Variants in SPATA31C1 observed in about 807,000 individuals in gnomAD.
SPATA31C1 encodes the protein spermatogenesis-associated protein 31C1.
At chr9:87,922,107 C>T (rs1587592416) in exon 5 of SPATA31C1, 1 of 1,613,926 alleles carries the variant, frequency 6.2e-7, no homozygotes, top group East Asian at 2.2e-5. Context: ...TGTTCACATG[C>T]CAGAGAGGCT....
chr9:87,922,027 T>C lies in SPATA31C1; in HGVS notation n.2417T>C, dbSNP rs577809547. ...TGCGAATCTGGGGCTGGCTCAAAAG[T>C]TGAGGTGGCCACGCTCCTTGGAGAG... On this transcript the variant is annotated non_coding_transcript_exon_variant, in exon 5 of 5. Coordinates refer to ENST00000420021, the Ensembl canonical transcript of SPATA31C1. 20 of 1,613,896 alleles carry C rather than the reference T, an allele frequency of 1.2e-5. No individual in the cohort carries two copies. The African/African-American group carries it at 2.5e-4, about 20-fold the overall frequency.
At chr9:87,919,369 ACTAGAGTTAATTTGATCTCAT>A (rs1216625579) in intron 3 of SPATA31C1, 21 bp downstream of exon 2, 1 of 1,601,634 alleles carries the variant, frequency 6.2e-7, no homozygotes, top group Non-Finnish European at 8.5e-7. Flanking sequence ...GCCAGGGCAC[ACTAGAGTTAATTTGATCTCAT>A]CTGTCCGGGA....
Position 87,920,355 on chromosome 9 carries a change from T to C in SPATA31C1, n.745T>C, listed in dbSNP as rs1333846464. The C allele has an allele frequency of 4.3e-6, 7 of 1,613,830 alleles. No individual in the cohort carries two copies. The South Asian group carries it at 7.7e-5, about 18-fold the overall frequency. On this transcript the variant is annotated non_coding_transcript_exon_variant, in exon 5 of 5. Transcript: ENST00000420021. Reference sequence around the variant, plus strand: ...AACACCTGATGGAGCCTCCCGGTCCTCTCATGAGCCTATGGAAGATGCTGC... The same window carrying C: ...AACACCTGATGGAGCCTCCCGGTCCCCTCATGAGCCTATGGAAGATGCTGC...
exon 5 of SPATA31C1, chr9:87,923,082 G>T: frequency 6.2e-7 from 1 of 1,602,192 alleles, no homozygotes; most frequent in Non-Finnish European, 8.5e-7. Flanking sequence ...TGCTGAAGCT[G>T]AGAGGCTCAT....
At chr9:87,921,775 G>A in exon 5 of SPATA31C1, 3 of 1,612,040 alleles carry the variant, frequency 1.9e-6, no homozygotes, top group South Asian at 1.1e-5. Context: ...GTGAAAACCA[G>A]CAATCTAGCA....
chr9:87,921,316 A>G (rs756790944), exon 5 of SPATA31C1: 3 of 1,612,028 alleles, frequency 1.9e-6, no homozygotes, highest in Non-Finnish European at 1.7e-6. Context: ...GGAAGGATCC[A>G]AGAGTCTCTG....
rs565802592 is a variant in SPATA31C1 at position 87,921,242 on chromosome 9, G to C, written n.1632G>C. On this transcript the variant is annotated non_coding_transcript_exon_variant, in exon 5 of 5. Transcript: ENST00000420021. ...CCCAGGAAAGACTGACATCCATTCT[G>C]CCTGAGAACTTTCCAGTCAGTCCTG... The C allele has an allele frequency of 1.1e-4, 184 of 1,611,946 alleles. 1 individual carries two copies. Among genetic ancestry groups the C allele is most frequent in the Admixed American group, 1.0e-3 (61 of 60,010 alleles).
exon 5 of SPATA31C1, chr9:87,921,189 G>C: frequency 6.2e-7 from 1 of 1,611,916 alleles, no homozygotes; most frequent in Non-Finnish European, 8.5e-7. Flanking sequence ...ATCTCAGGAC[G>C]TCTTTAGTGT....
At chr9:87,919,078 C>G (rs1257397094) in intron 2 of SPATA31C1, 177 bp from the exon 2 acceptor site, 17 of 1,062,158 alleles carry the variant, frequency 1.6e-5, no homozygotes, top group Non-Finnish European at 2.3e-5. Context: ...CCCCCTCTTC[C>G]TGTTTTTCTA....
chr9:87,915,919 T>C (rs1454963991), intron 1 of SPATA31C1, among the ~76,000 whole-genome samples: 1 of 144,038 alleles, frequency 6.9e-6, no homozygotes, highest in Non-Finnish European at 1.5e-5. Flanking sequence ...AAACTATTCG[T>C]GACACCTGTT....
intron 1 of SPATA31C1, among the ~76,000 whole-genome samples, chr9:87,916,972 G>A (rs1828742480): frequency 1.3e-5 from 1 of 77,926 alleles, no homozygotes. Context: ...ACTCCAGCCT[G>A]GGCAACAGAG....
chr9:87,920,392 C>G, exon 5 of SPATA31C1: 1 of 1,613,988 alleles, frequency 6.2e-7, no homozygotes, highest in South Asian at 1.1e-5. Flanking sequence ...CCCATTGTCT[C>G]CCCGTTAGCT....
chr9:87,921,689 C>T (rs531332675), exon 5 of SPATA31C1: 53 of 1,611,890 alleles, frequency 3.3e-5, no homozygotes, highest in South Asian at 5.5e-5. Flanking sequence ...GCCAGACCAA[C>T]GAGGGCTTGA....
At chr9:87,923,309 C>CAGG (rs1242535156) in exon 5 of SPATA31C1, 2 of 1,602,744 alleles carry the variant, frequency 1.2e-6, no homozygotes, top group Non-Finnish European at 8.5e-7. Context: ...CCAACAGAGA[C>CAGG]AGACAAATCA....
rs513094 is a variant in SPATA31C1, at chr9:87,922,258, A to C, written n.2648A>C. 645 of 1,612,600 alleles carry C rather than the reference A, an allele frequency of 4.0e-4. 7 individuals are homozygous for C. The African/African-American group carries it at 5.9e-3, about 15-fold the overall frequency. ...TCTAAGCCCCTCACATACAGCCTCA[A>C]AGGCAGCACCCAGCAGAGCAGGAGC... On this transcript the variant is annotated non_coding_transcript_exon_variant, in exon 5 of 5. Transcript: ENST00000420021.
At chr9:87,921,449 G>T in exon 5 of SPATA31C1, 1 of 1,611,816 alleles carries the variant, frequency 6.2e-7, no homozygotes, top group Non-Finnish European at 8.5e-7. Context: ...TGAAGTTCCA[G>T]CTAGAGAGGG....
rs757839453 is a variant in SPATA31C1, at chr9:87,920,606, G to A, written n.996G>A. The A allele has an allele frequency of 4.0e-5, 64 of 1,613,386 alleles. 1 individual carries two copies. The highest frequency in any genetic ancestry group is 2.0e-4 in the South Asian group (18 of 91,042). On this transcript the variant is annotated non_coding_transcript_exon_variant, in exon 5 of 5. Coordinates refer to ENST00000420021, the Ensembl canonical transcript of SPATA31C1. ...CTCTGGCCTGCTCTCCACCTCCTCC[G>A]AAAGGCTTCACTCCTCCTCCCCTGC...
exon 5 of SPATA31C1, chr9:87,920,501 A>C: frequency 1.2e-6 from 2 of 1,613,806 alleles, no homozygotes. Flanking sequence ...CCTCCCAGCC[A>C]CCAGAACCTT....
chr9:87,918,992 A>C, intron 2 of SPATA31C1: 1 of 428,776 alleles, frequency 2.3e-6, no homozygotes, highest in South Asian at 1.9e-5. Context: ...CTGGTCTCAA[A>C]CTCTTGACCT....
Sources: allele counts gnomAD v4.1 joint callset (sites outside exome capture counted in the v4.1 genomes callset), GRCh38; gene constraint gnomAD v4.1.1; transcripts MANE v1.5; gene names NCBI Gene and HGNC (gene_info 2026-07-23, HGNC 2026-07-21).